Variants in DAB1 observed in about 807,000 individuals in gnomAD.
The protein encoded by DAB1 is disabled homolog 1.
Under a neutral mutation model 64.6 loss-of-function variants are expected in DAB1, and 15 were observed. The observed-to-expected ratio is 0.23, with a 90% CI of 0.16 to 0.36. The LOEUF is 0.36. Ranked by LOEUF, DAB1 falls within the 10% of genes least tolerant of loss-of-function variation. The pLI is 1.00. For missense variants in DAB1, 596 were observed against 706.7 expected, an observed-to-expected ratio of 0.84 and a Z score of 1.78; for synonymous variants, 235 against 251.9, an observed-to-expected ratio of 0.93 and a Z score of 0.64.
rs112742904 is a variant in DAB1 at position 58,048,968 on chromosome 1, A to G, written n.387+101543T>C. The G allele has an allele frequency of 5.5e-4, 461 of 838,316 alleles. 3 individuals carry two copies. The African/African-American group carries it at 6.8e-3, about 12-fold the overall frequency. 51.9% of individuals were successfully genotyped at this position (838,316 alleles called of 1,614,324 possible). A position where few individuals can be genotyped will look rare whatever the true frequency, so the allele number is the denominator to read the frequency against. Reference sequence around the variant, plus strand: ...TTCAGTGTCTTCTTTAAAACCACCAACAAATACCTTTTTCACAGTTAAGTG... The same window carrying G: ...TTCAGTGTCTTCTTTAAAACCACCAGCAAATACCTTTTTCACAGTTAAGTG... On this transcript the variant is annotated intron_variant and non_coding_transcript_variant, in intron 5 of 20. Coordinates refer to the DAB1 transcript ENST00000485760.
At chr1:57,167,728 C>A (rs2100910570) in intron 2 of DAB1, among the ~76,000 whole-genome samples, 1 of 152,328 alleles carries the variant, frequency 6.6e-6, no homozygotes, top group African/African-American at 2.4e-5. Context: ...TCCACTGCCA[C>A]CTCCCCTGTG....
intron 12 of DAB1, among the ~76,000 whole-genome samples, chr1:57,014,142 C>T (rs1248354760): frequency 2.0e-5 from 3 of 152,120 alleles, no homozygotes; most frequent in Non-Finnish European, 2.9e-5. Context: ...TTTTAATAAC[C>T]CATCGCTTAC....
chr1:58,538,099 A>C (rs1646546360), intron 1 of DAB1, among the ~76,000 whole-genome samples: 1 of 152,240 alleles, frequency 6.6e-6, no homozygotes, highest in Non-Finnish European at 1.5e-5. Flanking sequence ...GGTTTGGTTC[A>C]TGTGGTAGTA....
chr1:57,729,061 T>G (rs912360), intron 6 of DAB1, among the ~76,000 whole-genome samples: 67,309 of 152,134 alleles, frequency 0.44, 15,479 homozygotes, highest in South Asian at 0.56. Flanking sequence ...AAGTACCTAA[T>G]GTATAATTTT....
At chr1:58,235,195 T>C (rs1313535513) in intron 4 of DAB1, among the ~76,000 whole-genome samples, 1 of 152,210 alleles carries the variant, frequency 6.6e-6, no homozygotes, top group Admixed American at 6.5e-5. Flanking sequence ...CAAATGCTTA[T>C]CTCCTTTAAT....
At chr1:57,512,094 T>G (rs1317597118) in intron 7 of DAB1, among the ~76,000 whole-genome samples, 2 of 152,226 alleles carry the variant, frequency 1.3e-5, no homozygotes, top group Non-Finnish European at 2.9e-5. Flanking sequence ...AGAATGTAAG[T>G]AATTTGCCCA....
At chr1:58,215,153 T>C (rs917420740) in intron 4 of DAB1, among the ~76,000 whole-genome samples, 22 of 152,196 alleles carry the variant, frequency 1.4e-4, no homozygotes, top group Admixed American at 1.4e-3. Context: ...TTACTGGTTC[T>C]CTAGGCTATA....
chr1:58,339,886 A>G (rs1181526702), intron 4 of DAB1, among the ~76,000 whole-genome samples: 1 of 152,214 alleles, frequency 6.6e-6, no homozygotes, highest in Non-Finnish European at 1.5e-5. Context: ...ATTTTATGAC[A>G]TCCTGCAATT....
chr1:57,122,196 T>C (rs1245991489), intron 4 of DAB1, among the ~76,000 whole-genome samples: 1 of 152,196 alleles, frequency 6.6e-6, no homozygotes, highest in Non-Finnish European at 1.5e-5. Flanking sequence ...CACTGTTGTG[T>C]AATTGGCTGT....
intron 4 of DAB1, among the ~76,000 whole-genome samples, chr1:58,192,557 G>T (rs916896315): frequency 6.6e-6 from 1 of 152,116 alleles, no homozygotes; most frequent in East Asian, 1.9e-4. Flanking sequence ...TAGGATAACG[G>T]TCTCCAGTTC....
intron 2 of DAB1, among the ~76,000 whole-genome samples, chr1:57,152,463 T>C (rs1196018654): frequency 6.6e-6 from 1 of 152,206 alleles, no homozygotes; most frequent in Non-Finnish European, 1.5e-5. Context: ...AGGAGGAAGA[T>C]ATAGGGGTTA....
intron 7 of DAB1, among the ~76,000 whole-genome samples, chr1:57,528,661 C>CACACACACAT (rs1644623858): frequency 6.7e-6 from 1 of 150,050 alleles, no homozygotes; most frequent in Non-Finnish European, 1.5e-5. Context: ...CACACACACA[C>CACACACACAT]ACACACACAC....
chr1:57,165,464 G>A (rs1444132352), intron 2 of DAB1, among the ~76,000 whole-genome samples: 3 of 152,144 alleles, frequency 2.0e-5, no homozygotes, highest in East Asian at 3.9e-4. Context: ...AGAAATAAGT[G>A]TTAAATCCCA....
Position 57,969,244 on chromosome 1 carries a change from T to TA in DAB1, n.388-85083dup, listed in dbSNP as rs1316499423. ...ATGCCATCAAATATTGTCTGTAAAC[T>TA]AAAAAAAAGTCTTACCAATATATCA... On this transcript the variant is annotated intron_variant and non_coding_transcript_variant, in intron 5 of 20. Transcript: ENST00000485760. Among the ~76,000 whole-genome samples, 4 of 152,012 alleles carry TA rather than the reference T, an allele frequency of 2.6e-5. No homozygotes were observed. The South Asian group carries it at 6.2e-4, about 24-fold the overall frequency.
chr1:58,457,801 T>A (rs1645206305), intron 3 of DAB1, among the ~76,000 whole-genome samples: 2 of 152,286 alleles, frequency 1.3e-5, no homozygotes, highest in South Asian at 2.1e-4. Flanking sequence ...CTAGTCTCTG[T>A]CCAATTCCTG....
At chr1:58,534,373 C>A in intron 1 of DAB1, 1 of 784,970 alleles carries the variant, frequency 1.3e-6, no homozygotes, top group Non-Finnish European at 2.2e-6. Context: ...AAGAGCACTA[C>A]AAAATGCTTA....
chr1:57,112,049 A>G (rs1344305408), intron 4 of DAB1, among the ~76,000 whole-genome samples: 1 of 152,218 alleles, frequency 6.6e-6, no homozygotes, highest in Non-Finnish European at 1.5e-5. Context: ...TATTAAAAGT[A>G]TCTAACACAT....
chr1:58,261,681 A>G (rs924007071), intron 4 of DAB1, among the ~76,000 whole-genome samples: 2 of 152,068 alleles, frequency 1.3e-5, no homozygotes, highest in African/African-American at 4.8e-5. Flanking sequence ...ATAATAACCC[A>G]AAAGACAAGC....
chr1:58,061,286 A>G (rs920231504), intron 5 of DAB1, among the ~76,000 whole-genome samples: 1 of 152,192 alleles, frequency 6.6e-6, no homozygotes, highest in Admixed American at 6.5e-5. Context: ...ACAAAGTGCC[A>G]CAAACCGGGC....
Sources: gnomAD v4.1 joint callset for allele counts (sites outside exome capture counted in the v4.1 genomes callset) on GRCh38, gnomAD v4.1.1 for gene constraint, MANE v1.5 for transcripts, NCBI Gene and HGNC (gene_info 2026-07-23, HGNC 2026-07-21) for gene names.